Variants in KLHL24 observed in about 807,000 individuals in gnomAD.
The protein encoded by KLHL24 is kelch like family member 24.
In KLHL24, 29 loss-of-function variants were observed where a neutral mutation model predicts 53.4. That is an observed-to-expected ratio of 0.54 (90% CI 0.40 to 0.74). The LOEUF (loss-of-function observed/expected upper bound fraction) is 0.74, where lower values mean the gene tolerates loss of function less well. KLHL24 is among the 30% of genes least tolerant of loss of function. KLHL24 has a pLI of 0.00. For missense variants in KLHL24, 504 were observed against 744.0 expected (o/e 0.68, Z 3.75); for synonymous variants, 222 against 253.7 (o/e 0.88, Z 1.19).
chr3:183,666,158 G>C (rs1173062758), intron 5 of KLHL24, among the ~76,000 whole-genome samples: 3 of 152,152 alleles, frequency 2.0e-5, no homozygotes, highest in Admixed American at 2.0e-4. Context: ...TGGGATTATA[G>C]TTATGAGCCA....
intron 2 of KLHL24, chr3:183,644,308 T>C (rs1429921165): frequency 6.6e-6 from 1 of 152,130 alleles, no homozygotes; most frequent in African/African-American, 2.4e-5. Context: ...AAAAGATACA[T>C]TCTGAATGCA....
In KLHL24 at chr3:183,650,535, G is replaced by T; in HGVS notation, c.179G>T (p.Arg60Leu). The T allele has an allele frequency of 6.2e-7, 1 of 1,614,036 alleles. No individual in the cohort carries two copies. The highest frequency in any genetic ancestry group is 8.5e-7 in the Non-Finnish European group (1 of 1,179,998). Residue 60 changes from arginine to leucine, a missense_variant, in exon 3 of 8, where the codon CGT (arginine) becomes CTT (leucine). Transcript: ENST00000242810. The surrounding 1 kb of genome is among the most constrained non-coding windows in gnomAD (Gnocchi z 4.5). ...ENILQIFNEF[R>L]DSRLFTDVII... Reference sequence around the variant, plus strand: ...ATACTCCAGATATTTAATGAATTTCGTGATAGCCGCTTATTCACAGATGTT... The same window carrying T: ...ATACTCCAGATATTTAATGAATTTCTTGATAGCCGCTTATTCACAGATGTT...
intron 5 of KLHL24, among the ~76,000 whole-genome samples, chr3:183,670,358 T>C (rs1430216032): frequency 6.6e-6 from 1 of 152,220 alleles, no homozygotes; most frequent in Non-Finnish European, 1.5e-5. Flanking sequence ...ATGGATTTTT[T>C]GCATATAAGC....
intron 1 of KLHL24, among the ~76,000 whole-genome samples, chr3:183,636,930 C>T (rs1560141092): frequency 6.6e-6 from 1 of 152,122 alleles, no homozygotes; most frequent in Non-Finnish European, 1.5e-5. Flanking sequence ...ACGCAGAGAT[C>T]GGCTACCGTG....
chr3:183,676,917 T>C (rs1711992757), intron 7 of KLHL24, among the ~76,000 whole-genome samples: 2 of 151,656 alleles, frequency 1.3e-5, no homozygotes, highest in African/African-American at 4.8e-5. Flanking sequence ...TTGGTTTTTT[T>C]TTTTTTTCTT....
In KLHL24 at chr3:183,680,184, T is replaced by A. The variant is rs1169081018; in HGVS notation, c.*898T>A. On this transcript the variant is annotated 3_prime_UTR_variant, in exon 8 of 8. Coordinates refer to ENST00000242810, the MANE Select transcript of KLHL24 (RefSeq NM_017644.3). The stretch of plus-strand genomic sequence containing the variant: ...GACTCACACCTGTACTCCCAACTAC[T>A]CAGCAGGCTGGGGCAGGAGGATTGC... 1 of 152,328 alleles carries A rather than the reference T, an allele frequency of 6.6e-6. No individual in the cohort carries two copies. Among genetic ancestry groups the A allele is most frequent in the East Asian group, 1.9e-4 (1 of 5,176 alleles). 9.4% of individuals were successfully genotyped at this position (152,328 alleles called of 1,614,324 possible).
At chr3:183,674,247 C>CTT (rs751214550) in intron 7 of KLHL24, among the ~76,000 whole-genome samples, 4 of 88,528 alleles carry the variant, frequency 4.5e-5, no homozygotes, top group East Asian at 3.2e-4. Flanking sequence ...CATCAATTTT[C>CTT]TTTCTTTCTT....
At chr3:183,641,979 G>C (rs944771067) in intron 1 of KLHL24, among the ~76,000 whole-genome samples, 1 of 152,088 alleles carries the variant, frequency 6.6e-6, no homozygotes, top group African/African-American at 2.4e-5. Context: ...TACCCCATAA[G>C]GTATAATTCT....
At chr3:183,636,677 T>C (rs1174242329) in intron 1 of KLHL24, 4 of 152,292 alleles carry the variant, frequency 2.6e-5, no homozygotes, top group African/African-American at 9.7e-5. Context: ...GTTCGAGTTT[T>C]TATTGGCGAG....
chr3:183,638,586 A>G lies in KLHL24; in HGVS notation c.-125+2793A>G, dbSNP rs183932153. 5.5e-4 allele frequency among the ~76,000 whole-genome samples: 84 copies of G among 152,336 alleles called. No homozygotes were observed. In the Middle Eastern group the frequency reaches 0.01, roughly 19 times the overall value. ...TATGATTTTATTTCTGGTGTGACTG[A>G]AACAACTGGAGAGTATATAGCCACT... On this transcript the variant is annotated intron_variant, in intron 1 of 7. Transcript: ENST00000242810.
At chr3:183,648,717 T>C (rs1042635263) in intron 2 of KLHL24, among the ~76,000 whole-genome samples, 48 of 152,070 alleles carry the variant, frequency 3.2e-4, no homozygotes, top group African/African-American at 7.7e-4. Flanking sequence ...TTAAAGAGAA[T>C]TGGGCTGGGC....
In KLHL24 at chr3:183,677,780, T is replaced by TTTTG. The variant is rs59547937; in HGVS notation, c.1603-1290_1603-1287dup. Among the ~76,000 whole-genome samples the TTTTG allele has an allele frequency of 8.6e-3, 1,304 of 152,062 alleles. 17 individuals carry two copies. Among genetic ancestry groups the TTTTG allele is most frequent in the African/African-American group, 0.03 (1,254 of 41,514 alleles). On this transcript the variant is annotated intron_variant, in intron 7 of 7. Transcript: ENST00000242810. ...GTGAATCAGTTGTTAATGTAGGGTT[T>TTTTG]TTTGTTTGTTTGTTTGTTTATTTTT...
chr3:183,679,558 T>G lies in KLHL24; in HGVS notation c.*272T>G. The G allele has an allele frequency of 5.4e-6, 2 of 371,172 alleles. No individual in the cohort carries two copies. The highest frequency in any genetic ancestry group is 9.8e-6 in the Non-Finnish European group (2 of 204,258). The allele number at this position is 371,172 out of a possible 1,614,324, so 23.0% of individuals were successfully genotyped here. A position where few individuals can be genotyped will look rare whatever the true frequency, so the allele number is the denominator to read the frequency against. On this transcript the variant is annotated 3_prime_UTR_variant, in exon 8 of 8. Transcript: ENST00000242810. ...TGTAAGTATTTGTAAGAAGTCTATG[T>G]GAATTAGGAAATGTCTGTCTGCATA...
In KLHL24 at chr3:183,650,289, C is replaced by T; in HGVS notation, c.-61-7C>T. The T allele has an allele frequency of 6.2e-6, 8 of 1,280,082 alleles. No homozygotes were observed. The highest frequency in any genetic ancestry group is 1.5e-5 in the South Asian group (1 of 66,726). 79.3% of individuals were successfully genotyped at this position (1,280,082 alleles called of 1,614,324 possible). On this transcript the variant is annotated splice_region_variant and splice_polypyrimidine_tract_variant and intron_variant, in intron 2 of 7. Transcript: ENST00000242810. This position sits in a 1 kb window ranked among gnomAD's most constrained non-coding sequence, Gnocchi z 4.5. ...ATATTGAAATGTTTTCCTTTTTTTA[C>T]TTTTAGCCACATAAAGAAGATCCCT...
chr3:183,661,407 A>G (rs967548430), intron 3 of KLHL24, among the ~76,000 whole-genome samples: 1 of 152,166 alleles, frequency 6.6e-6, no homozygotes, highest in African/African-American at 2.4e-5. Flanking sequence ...CTTTAAGGCC[A>G]TTAGCTCCCT....
At chr3:183,655,362 C>G (rs1362496426) in intron 3 of KLHL24, among the ~76,000 whole-genome samples, 1 of 152,160 alleles carries the variant, frequency 6.6e-6, no homozygotes, top group African/African-American at 2.4e-5. Flanking sequence ...TGTGGTAGCT[C>G]ACACCTGTAA....
intron 5 of KLHL24, among the ~76,000 whole-genome samples, chr3:183,668,673 G>A (rs1027313262): frequency 2.6e-5 from 4 of 152,156 alleles, no homozygotes; most frequent in Non-Finnish European, 4.4e-5. Context: ...TTGGGAGGCC[G>A]AGGCAGGCAA....
rs767003280 is a variant in KLHL24, at chr3:183,650,901, C to T, written c.545C>T (p.Thr182Ile). ...QRFADTHSLK[T>I]LFTKCKNFAL... is the part of the protein sequence containing the mutation. Reference sequence around the variant, plus strand: ...TTTGCTGATACCCATTCACTCAAAACACTCTTCACAAAATGCAAAAATTTT... The same window carrying T: ...TTTGCTGATACCCATTCACTCAAAATACTCTTCACAAAATGCAAAAATTTT... Residue 182 changes from threonine (T) to isoleucine (I), a missense_variant, in exon 3 of 8, where the codon ACA (threonine) becomes ATA (isoleucine). By Grantham distance (89) the Thr-to-Ile change is moderately conservative. Coordinates refer to ENST00000242810, the MANE Select transcript of KLHL24 (RefSeq NM_017644.3). The surrounding 1 kb of genome is among the most constrained non-coding windows in gnomAD (Gnocchi z 4.5). 1 of 1,614,206 alleles carries T rather than the reference C, an allele frequency of 6.2e-7. No individual in the cohort carries two copies. The highest frequency in any genetic ancestry group is 1.3e-5 in the African/African-American group (1 of 75,060).
intron 1 of KLHL24, chr3:183,636,821 T>G (rs940531682): frequency 1.3e-5 from 2 of 151,530 alleles, no homozygotes; most frequent in Admixed American, 1.3e-4. Flanking sequence ...GTGGCGCGGG[T>G]GCGGGAGGCG....
Sources: allele counts gnomAD v4.1 joint callset (sites outside exome capture counted in the v4.1 genomes callset), GRCh38; gene constraint gnomAD v4.1.1; non-coding constraint Gnocchi (gnomAD v3.1); transcripts MANE v1.5; gene names NCBI Gene and HGNC (gene_info 2026-07-23, HGNC 2026-07-21).